Variants in ZNF718 observed in about 807,000 individuals in gnomAD.
ZNF718 encodes zinc finger protein 718.
In ZNF718, 3 loss-of-function variants were observed where a neutral mutation model predicts 2.6. The observed-to-expected ratio is 1.16, with a 90% confidence interval of 0.53 to 3.01. ZNF718 has a LOEUF of 3.01. Ranked by LOEUF, ZNF718 falls within the 30% of genes most tolerant of loss-of-function variation. The pLI, the probability that ZNF718 is intolerant of heterozygous loss-of-function variation, is 0.03. For missense variants in ZNF718, 468 were observed against 230.0 expected, an observed-to-expected ratio of 2.03 and a Z score of -6.69; for synonymous variants, 135 against 77.9, an observed-to-expected ratio of 1.73 and a Z score of -3.86.
rs1427636043 is a variant in ZNF718, at chr4:128,688, CAT to C, written c.4-2099_4-2098del. Among the ~76,000 whole-genome samples the C allele has an allele frequency of 2.0e-5, 2 of 102,470 alleles. 1 individual carries two copies. Among genetic ancestry groups the C allele is most frequent in the Non-Finnish European group, 4.3e-5 (2 of 46,204 alleles). The allele number at this position is 102,470 out of a possible 152,430, so 67.2% of individuals were successfully genotyped here. On this transcript the variant is annotated intron_variant, in intron 1 of 3. Transcript: ENST00000510175. Reference sequence around the variant, plus strand: ...TGAGTAATGAGACATTTGAGGATGTCATGTGCAGACTGGGGTCAGTCTGACAA... The same window carrying C: ...TGAGTAATGAGACATTTGAGGATGTCGTGCAGACTGGGGTCAGTCTGACAA...
Position 130,111 on chromosome 4 carries a change from C to G in ZNF718, c.4-677C>G, listed in dbSNP as rs1715314990. On this transcript the variant is annotated intron_variant, in intron 1 of 3. Coordinates refer to ENST00000510175, the MANE Select transcript of ZNF718 (RefSeq NM_001039127.6). ...GTCTTCGGATGTAAAGTATTTGTGT[C>G]GTGATAAGGGTGTTGCAGTGAGGGA... Among the ~76,000 whole-genome samples the G allele has an allele frequency of 1.9e-5, 2 of 103,742 alleles. 1 individual carries two copies. The highest frequency in any genetic ancestry group is 4.3e-5 in the Non-Finnish European group (2 of 46,648). 68.1% of individuals were successfully genotyped at this position (103,742 alleles called of 152,430 possible).
chr4:124,773 C>A (rs1465313748), intron 1 of ZNF718, 100 bp downstream of exon 1: 12 of 1,518,038 alleles, frequency 7.9e-6, no homozygotes, highest in Non-Finnish European at 1.1e-5. Context: ...AGTTCCCGCT[C>A]AGCCCTCTGT....
At chr4:150,016 G>GC (rs1446757598) in intron 3 of ZNF718, 6 of 151,716 alleles carry the variant, frequency 4.0e-5, no homozygotes, top group Admixed American at 6.6e-5. Flanking sequence ...AAAATAAACT[G>GC]CCCCCCTTTT....
chr4:165,676 GT>G (rs1553816661), downstream of ZNF718, among the ~76,000 whole-genome samples: 1 of 152,122 alleles, frequency 6.6e-6, no homozygotes, highest in Non-Finnish European at 1.5e-5. Flanking sequence ...GTGGGTGCCT[GT>G]AATCTAAGCT....
At chr4:137,744 A>G (rs782240484) in intron 3 of ZNF718, among the ~76,000 whole-genome samples, 4 of 147,936 alleles carry the variant, frequency 2.7e-5, no homozygotes, top group Non-Finnish European at 4.5e-5. Flanking sequence ...TCAAATGTAT[A>G]CTTTTTACTT....
rs376177968 is a variant in ZNF718, at chr4:183,676, T to C, written c.227-17405T>C. On this transcript the variant is annotated intron_variant and NMD_transcript_variant, in intron 3 of 4. Coordinates refer to the ZNF718 transcript ENST00000642529. ...TTCCATTTGTTTGTGTCACCTCTGA[T>C]TTATTTGAACCATGGCCTTTAGTTC... Among the ~76,000 whole-genome samples, 8 of 152,266 alleles carry C rather than the reference T, an allele frequency of 5.3e-5. 1 individual carries two copies. In the East Asian group the frequency reaches 1.4e-3, roughly 26 times the overall value.
chr4:154,343 A>AT (rs1716470063), intron 3 of ZNF718, among the ~76,000 whole-genome samples: 2 of 152,216 alleles, frequency 1.3e-5, no homozygotes, highest in African/African-American at 4.8e-5. Flanking sequence ...TGACTCTGGA[A>AT]CTGGGTAACA....
At chr4:133,975 TACTA>T (rs1715443036) in intron 3 of ZNF718, among the ~76,000 whole-genome samples, 1 of 152,218 alleles carries the variant, frequency 6.6e-6, no homozygotes, top group Non-Finnish European at 1.5e-5. Flanking sequence ...ATTACAGTAT[TACTA>T]ACTATAAATA....
At chr4:154,395 G>A (rs1441957299) in intron 3 of ZNF718, among the ~76,000 whole-genome samples, 29 of 152,162 alleles carry the variant, frequency 1.9e-4, no homozygotes, top group African/African-American at 6.8e-4. Context: ...AAGGAGACAG[G>A]AAAATGTGGG....
intron 3 of ZNF718, among the ~76,000 whole-genome samples, chr4:172,017 A>G (rs927770311): frequency 2.0e-5 from 3 of 152,198 alleles, no homozygotes; most frequent in African/African-American, 4.8e-5. Flanking sequence ...TTAACTTTCT[A>G]TGACATACTT....
At chr4:133,477 TG>T (rs1401967389) in intron 3 of ZNF718, among the ~76,000 whole-genome samples, 14 of 152,204 alleles carry the variant, frequency 9.2e-5, no homozygotes, top group East Asian at 1.9e-4. Flanking sequence ...CTTTTAATTT[TG>T]TCTTATTTAG....
intron 3 of ZNF718, among the ~76,000 whole-genome samples, chr4:199,987 G>C (rs1553822526): frequency 6.6e-6 from 1 of 152,186 alleles, no homozygotes; most frequent in Admixed American, 6.5e-5. Context: ...AAATTAGTGA[G>C]AAAACAATGG....
At chr4:133,826 A>G (rs980961841) in intron 3 of ZNF718, among the ~76,000 whole-genome samples, 1 of 152,246 alleles carries the variant, frequency 6.6e-6, no homozygotes, top group Non-Finnish European at 1.5e-5. Context: ...TGTGTACAGT[A>G]TAATGATTTG....
intron 3 of ZNF718, among the ~76,000 whole-genome samples, chr4:171,143 A>G (rs1267527135): frequency 6.6e-6 from 1 of 152,186 alleles, no homozygotes; most frequent in Admixed American, 6.5e-5. Context: ...TATCAGCAGC[A>G]GAAGCTGCAG....
intron 3 of ZNF718, among the ~76,000 whole-genome samples, chr4:192,546 T>TC (rs1187762157): frequency 4.6e-5 from 7 of 151,956 alleles, no homozygotes; most frequent in Non-Finnish European, 1.5e-5. Context: ...TGTCTCTCAG[T>TC]CCCCCCTCTC....
Position 160,721 on chromosome 4 carries a change from T to C in ZNF718, c.227-191T>C, listed in dbSNP as rs181843273. ...TGCACCATCATTCCCAGCACATTTTTTTTGTATTTTTAGTACAGACAGTGT... is the reference window on the plus strand; with the variant it reads ...TGCACCATCATTCCCAGCACATTTTCTTTGTATTTTTAGTACAGACAGTGT... On this transcript the variant is annotated intron_variant, in intron 3 of 3. Transcript: ENST00000510175. Among the ~76,000 whole-genome samples, 6 of 152,202 alleles carry C rather than the reference T, an allele frequency of 3.9e-5. No homozygotes were observed. The East Asian group carries it at 1.2e-3, about 29-fold the overall frequency.
At chr4:159,561 G>A (rs1264551957) in intron 3 of ZNF718, among the ~76,000 whole-genome samples, 1 of 151,992 alleles carries the variant, frequency 6.6e-6, no homozygotes, top group Non-Finnish European at 1.5e-5. Flanking sequence ...TGAAGCTTGT[G>A]GAGCATCTTC....
At chr4:188,311 G>C (rs1345438998) in intron 3 of ZNF718, among the ~76,000 whole-genome samples, 1 of 152,248 alleles carries the variant, frequency 6.6e-6, no homozygotes, top group Non-Finnish European at 1.5e-5. Flanking sequence ...GCTGTGCTGT[G>C]CTGTGGGGTC....
intron 3 of ZNF718, among the ~76,000 whole-genome samples, chr4:158,354 T>C (rs1484969923): frequency 2.0e-5 from 3 of 152,066 alleles, no homozygotes; most frequent in African/African-American, 4.8e-5. Context: ...GAATGGAAAG[T>C]TTACTTCATA....
Sources: gnomAD v4.1 joint callset for allele counts (sites outside exome capture counted in the v4.1 genomes callset) on GRCh38, gnomAD v4.1.1 for gene constraint, MANE v1.5 for transcripts, NCBI Gene and HGNC (gene_info 2026-07-23, HGNC 2026-07-21) for gene names.